Variants in GFOD2 observed in about 807,000 individuals in gnomAD.
The protein encoded by GFOD2 is Gfo/Idh/MocA-like oxidoreductase domain containing 2.
Under a neutral mutation model 24.6 loss-of-function variants are expected in GFOD2, and 9 were observed. The observed-to-expected ratio is 0.37, with a 90% CI of 0.22 to 0.64. The LOEUF (loss-of-function observed/expected upper bound fraction) is 0.64, where lower values mean the gene tolerates loss of function less well. GFOD2 is among the 30% of genes least tolerant of loss of function. The probability of loss-of-function intolerance (pLI) is 0.65; values close to 1 mark genes in which losing one functional copy is unlikely to be tolerated. For missense variants in GFOD2, 476 were observed against 532.5 expected (o/e 0.89, Z 1.04); for synonymous variants, 211 against 224.8 (o/e 0.94, Z 0.55).
At chr16:67,680,947 G>C in intron 2 of GFOD2, 3 of 985,426 alleles carry the variant, frequency 3.0e-6, no homozygotes, top group Non-Finnish European at 3.6e-6. Flanking sequence ...AGAACAGCCA[G>C]CCAAGTGTCA....
intron 2 of GFOD2, 180 bp from the exon 3 acceptor site, chr16:67,676,233 A>C (rs896906599): frequency 1.6e-6 from 1 of 628,052 alleles, no homozygotes; most frequent in African/African-American, 1.8e-5. Context: ...CCTGGCCTCA[A>C]GCGATCCTCC....
chr16:67,688,887 C>A (rs528239831), intron 1 of GFOD2, among the ~76,000 whole-genome samples: 5 of 151,608 alleles, frequency 3.3e-5, no homozygotes, highest in South Asian at 2.1e-4. Context: ...GACGCCCCCC[C>A]ACCATGCCCA....
intron 2 of GFOD2, chr16:67,676,497 C>G (rs1411294948): frequency 1.2e-5 from 2 of 171,098 alleles, no homozygotes; most frequent in African/African-American, 4.8e-5. Context: ...CACAGGTGGG[C>G]TAGAGAGGTG....
chr16:67,681,446 G>A (rs1003045566), intron 2 of GFOD2: 6 of 973,084 alleles, frequency 6.2e-6, no homozygotes, highest in Non-Finnish European at 7.3e-6. Context: ...TTTTAGATGG[G>A]GACTCGCTTT....
rs1352502095 is a variant in GFOD2, at chr16:67,712,842, C to G, written c.-88+6321G>C. 4.1e-5 allele frequency among the ~76,000 whole-genome samples: 4 copies of G among 98,224 alleles called. No individual in the cohort carries two copies. The East Asian group carries it at 8.9e-4, about 22-fold the overall frequency. 64.4% of individuals were successfully genotyped at this position (98,224 alleles called of 152,430 possible). On this transcript the variant is annotated intron_variant, in intron 1 of 2. Coordinates refer to ENST00000268797, the MANE Select transcript of GFOD2 (RefSeq NM_030819.4). ...GCCATCCCATCTGGGAAGCGAGGAG[C>G]GCCTCTTCCCCGCCGCCATCCCATC...
At chr16:67,683,948 TA>T (rs2053246817) in intron 2 of GFOD2, 2 of 1,019,544 alleles carry the variant, frequency 2.0e-6, no homozygotes, top group South Asian at 9.4e-5. Context: ...ATCTACCTTG[TA>T]ATGTGTGTTA....
rs779854379 is a variant in GFOD2, at chr16:67,676,073, G to A, written c.260-20C>T. ...CAATACCTAACAACAGGACACAACA[G>A]GAAATCTCAAAGTTTCAAGGGGGAA... On this transcript the variant is annotated intron_variant, in intron 2 of 2. Coordinates refer to ENST00000268797, the MANE Select transcript of GFOD2 (RefSeq NM_030819.4). 6.4e-7 allele frequency: 1 copy of A among 1,565,872 alleles called. No homozygotes were observed. Among genetic ancestry groups the A allele is most frequent in the Non-Finnish European group, 8.7e-7 (1 of 1,151,292 alleles).
chr16:67,711,679 T>C (rs1191779799), intron 1 of GFOD2, among the ~76,000 whole-genome samples: 4 of 152,194 alleles, frequency 2.6e-5, no homozygotes, highest in Non-Finnish European at 4.4e-5. Flanking sequence ...CTGATGTTTC[T>C]CCCCACCAAA....
At chr16:67,701,747 CT>C (rs1232406215) in intron 1 of GFOD2, among the ~76,000 whole-genome samples, 1 of 147,804 alleles carries the variant, frequency 6.8e-6, no homozygotes, top group East Asian at 2.0e-4. Flanking sequence ...CTTCACTGTT[CT>C]GTAAATTATA....
At position 67,685,671 on chromosome 16, in the gene GFOD2, G is replaced by A. The variant is rs1454875737; in HGVS notation, c.45C>T (p.Ser15=). 1.1e-5 allele frequency: 18 copies of A among 1,613,772 alleles called. No homozygotes were observed. Among genetic ancestry groups the A allele is most frequent in the Admixed American group, 1.7e-5 (1 of 59,996 alleles). ...TCAGCAGTGGGACCAGAACTCGGGC[G>A]GAGCTGCCAGTCCCAAACACGCCCA... ...PGVGVFGTGS[S]ARVLVPLLRA... Residue 15 remains serine, a synonymous_variant, in exon 2 of 3, where the codon TCC becomes TCT. Transcript: ENST00000268797.
intron 1 of GFOD2, among the ~76,000 whole-genome samples, chr16:67,700,261 G>C (rs1268455641): frequency 1.3e-5 from 2 of 151,916 alleles, no homozygotes; most frequent in Admixed American, 6.6e-5. Context: ...TGTAGTCTCA[G>C]CTACTTAGGA....
intron 1 of GFOD2, among the ~76,000 whole-genome samples, chr16:67,714,459 T>C (rs192744024): frequency 8.9e-5 from 10 of 112,672 alleles, no homozygotes; most frequent in South Asian, 2.6e-4. Context: ...GCCTGGGAGA[T>C]AGAAACACTG....
intron 1 of GFOD2, among the ~76,000 whole-genome samples, chr16:67,705,556 C>T (rs1399648910): frequency 1.3e-5 from 2 of 152,112 alleles, no homozygotes; most frequent in Non-Finnish European, 2.9e-5. Context: ...GATTGTGTCT[C>T]CCCGATCCTA....
At chr16:67,700,484 G>A (rs572108575) in intron 1 of GFOD2, among the ~76,000 whole-genome samples, 6 of 152,242 alleles carry the variant, frequency 3.9e-5, no homozygotes, top group East Asian at 1.9e-4. Context: ...GGCCGGGCAC[G>A]GTGGCTCACC....
chr16:67,694,225 G>A (rs2053340120), intron 1 of GFOD2, among the ~76,000 whole-genome samples: 1 of 152,098 alleles, frequency 6.6e-6, no homozygotes. Context: ...TCAAACTCCT[G>A]ACCTCAGGTG....
intron 2 of GFOD2, chr16:67,677,065 G>C (rs952261688): frequency 6.6e-6 from 1 of 152,128 alleles, no homozygotes; most frequent in African/African-American, 2.4e-5. Context: ...ACAAGTCATA[G>C]TAAGCCAGAA....
chr16:67,679,684 C>T (rs551176274), intron 2 of GFOD2, among the ~76,000 whole-genome samples: 3 of 151,552 alleles, frequency 2.0e-5, no homozygotes, highest in African/African-American at 4.8e-5. Context: ...GTCAGGGGTT[C>T]GAGACCACCC....
In GFOD2 at chr16:67,687,651, A is replaced by AG. The variant is rs1303688653; in HGVS notation, c.-87-1850_-87-1849insC. Among the ~76,000 whole-genome samples, 4 of 150,894 alleles carry AG rather than the reference A, an allele frequency of 2.7e-5. No homozygotes were observed. The East Asian group carries it at 7.7e-4, about 29-fold the overall frequency. ...GCAAGACTCCGTCTCAAAAAAAAAA[A>AG]AAAAAAAGAAAAAAAGAAAAAAAAA... On this transcript the variant is annotated intron_variant, in intron 1 of 2. Transcript: ENST00000268797.
At chr16:67,717,042 GTGCA>G (rs2053511720) in intron 1 of GFOD2, among the ~76,000 whole-genome samples, 1 of 152,024 alleles carries the variant, frequency 6.6e-6, no homozygotes, top group African/African-American at 2.4e-5. Context: ...GATTACAGGC[GTGCA>G]CCACCATGCC....
Sources: allele counts gnomAD v4.1 joint callset (sites outside exome capture counted in the v4.1 genomes callset), GRCh38; gene constraint gnomAD v4.1.1; transcripts MANE v1.5; gene names NCBI Gene and HGNC (gene_info 2026-07-23, HGNC 2026-07-21).